The following PDE1A variants were observed in gnomAD, a reference collection of about 807,000 sequenced individuals.
The protein encoded by PDE1A is phosphodiesterase 1A, also known as dual specificity calcium/calmodulin-dependent 3',5'-cyclic nucleotide phosphodiesterase 1A.
In PDE1A, 35 loss-of-function variants were observed where a neutral mutation model predicts 61.7. That is an observed-to-expected ratio of 0.57 (90% CI 0.43 to 0.75). The LOEUF is 0.75. PDE1A is among the 30% of genes least tolerant of loss of function. The pLI is 0.00. For missense variants in PDE1A, 597 were observed against 630.6 expected (o/e 0.95, Z 0.57); for synonymous variants, 232 against 213.2 (o/e 1.09, Z -0.77).
At chr2:182,290,407 C>T (rs1469838991) in intron 1 of PDE1A, among the ~76,000 whole-genome samples, 2 of 152,100 alleles carry the variant, frequency 1.3e-5, no homozygotes, top group African/African-American at 4.8e-5. Context: ...TAATTTCTCT[C>T]AACCTTACGG....
At chr2:182,237,746 C>A (rs1469205937) in intron 3 of PDE1A, among the ~76,000 whole-genome samples, 1 of 152,124 alleles carries the variant, frequency 6.6e-6, no homozygotes, top group Non-Finnish European at 1.5e-5. Context: ...GGTAAAAGGG[C>A]CAGCCCGCCA....
At chr2:182,263,647 A>C (rs1020196384) in intron 2 of PDE1A, among the ~76,000 whole-genome samples, 1 of 152,232 alleles carries the variant, frequency 6.6e-6, no homozygotes, top group Non-Finnish European at 1.5e-5. Context: ...ATTAGGAACC[A>C]GATATCTTTG....
chr2:182,332,857 C>T (rs997369775), intron 1 of PDE1A, among the ~76,000 whole-genome samples: 3 of 151,748 alleles, frequency 2.0e-5, no homozygotes, highest in African/African-American at 4.8e-5. Context: ...CACACATAGG[C>T]TCAAAATAAA....
chr2:182,556,389 G>C, the PDE1A span, among the ~76,000 whole-genome samples: 1 of 152,208 alleles, frequency 6.6e-6, no homozygotes, highest in African/African-American at 2.4e-5. Flanking sequence ...CTTGTAAGCA[G>C]TTAAATTGGT....
At chr2:182,495,513 T>C (rs1385806500) in intron 2 of PDE1A, among the ~76,000 whole-genome samples, 1 of 152,222 alleles carries the variant, frequency 6.6e-6, no homozygotes, top group Non-Finnish European at 1.5e-5. Flanking sequence ...TATTTAGTCT[T>C]CATAGTGTTG....
chr2:182,546,962 A>G, the PDE1A span, among the ~76,000 whole-genome samples: 1 of 152,210 alleles, frequency 6.6e-6, no homozygotes, highest in Admixed American at 6.5e-5. Flanking sequence ...TTTCATCAAA[A>G]CAGTTACTTT....
At chr2:182,703,192 A>G in the PDE1A span, among the ~76,000 whole-genome samples, 13 of 152,182 alleles carry the variant, frequency 8.5e-5, no homozygotes, top group Non-Finnish European at 1.8e-4. Flanking sequence ...CCTACTTGTG[A>G]TTTGATCTTT....
intron 1 of PDE1A, among the ~76,000 whole-genome samples, chr2:182,377,050 G>A (rs1294162578): frequency 6.6e-6 from 1 of 152,156 alleles, no homozygotes; most frequent in African/African-American, 2.4e-5. Context: ...TTTGGGTGGG[G>A]ACATAGAGCC....
At chr2:182,318,374 G>C (rs1234561199) in intron 1 of PDE1A, among the ~76,000 whole-genome samples, 1 of 152,112 alleles carries the variant, frequency 6.6e-6, no homozygotes, top group Non-Finnish European at 1.5e-5. Flanking sequence ...CTCACATCAT[G>C]CTATTCCCTG....
At chr2:182,462,254 T>C (rs1210805798) in intron 2 of PDE1A, among the ~76,000 whole-genome samples, 2 of 151,894 alleles carry the variant, frequency 1.3e-5, no homozygotes, top group Non-Finnish European at 2.9e-5. Context: ...TGTATACATA[T>C]GTAACAAACC....
the PDE1A span, among the ~76,000 whole-genome samples, chr2:182,632,515 T>C: frequency 0.61 from 93,017 of 151,710 alleles, 28,752 homozygotes; most frequent in Admixed American, 0.71. Flanking sequence ...TCTCTCTCCC[T>C]TAGCAAGAAG....
rs367796148 is a variant in PDE1A, at chr2:182,218,307, A to G, written c.776+5557T>C. Among the ~76,000 whole-genome samples, 12 of 149,254 alleles carry G rather than the reference A, an allele frequency of 8.0e-5. 1 individual carries two copies. The highest frequency in any genetic ancestry group is 2.7e-4 in the African/African-American group (11 of 40,594). ...GGGGGGAGGGATAGCATTGGGAGAT[A>G]TACCTAATGCTAGATGACGAGTTAG... On this transcript the variant is annotated intron_variant, in intron 7 of 13. Transcript: ENST00000351439.
At chr2:182,626,127 T>G in the PDE1A span, among the ~76,000 whole-genome samples, 2 of 152,180 alleles carry the variant, frequency 1.3e-5, no homozygotes, top group Non-Finnish European at 2.9e-5. Flanking sequence ...AGGAAGTGAC[T>G]GAAAATGAGA....
At chr2:182,487,095 A>T (rs1423517289) in intron 2 of PDE1A, among the ~76,000 whole-genome samples, 1 of 152,176 alleles carries the variant, frequency 6.6e-6, no homozygotes, top group Non-Finnish European at 1.5e-5. Flanking sequence ...CATCTTAAAA[A>T]TTGGCAAAAG....
the PDE1A span, among the ~76,000 whole-genome samples, chr2:182,608,764 C>T: frequency 6.6e-6 from 1 of 152,246 alleles, no homozygotes; most frequent in African/African-American, 2.4e-5. Context: ...ATCAACCGCC[C>T]AAGGGCTGAG....
chr2:182,372,853 A>G (rs1684950754), intron 1 of PDE1A, among the ~76,000 whole-genome samples: 1 of 152,232 alleles, frequency 6.6e-6, no homozygotes, highest in Non-Finnish European at 1.5e-5. Context: ...GACTCATAAG[A>G]CAAAATTCCA....
chr2:182,442,601 T>C lies in PDE1A; in HGVS notation c.101+79675A>G, dbSNP rs544710353. Among the ~76,000 whole-genome samples the C allele has an allele frequency of 2.6e-5, 4 of 152,182 alleles. No homozygotes were observed. The South Asian group carries it at 8.3e-4, about 32-fold the overall frequency. On this transcript the variant is annotated intron_variant, in intron 2 of 14. Transcript: ENST00000410103. ...TTCTATTCATATAATAAACAATATTTATATGCATGTTTAATTATACATGAA... is the reference window on the plus strand; with the variant it reads ...TTCTATTCATATAATAAACAATATTCATATGCATGTTTAATTATACATGAA...
At chr2:182,260,106 T>C (rs998328799) in intron 2 of PDE1A, among the ~76,000 whole-genome samples, 4 of 152,148 alleles carry the variant, frequency 2.6e-5, no homozygotes, top group Non-Finnish European at 5.9e-5. Flanking sequence ...TAAAGGGAGA[T>C]TTTTGTTTTG....
downstream of PDE1A, chr2:182,143,055 A>C (rs1690302090): frequency 6.6e-6 from 1 of 152,232 alleles, no homozygotes; most frequent in African/African-American, 2.4e-5. Flanking sequence ...TAAAATCCAA[A>C]TGAAAATATG....
Sources: gnomAD v4.1 joint callset for allele counts (sites outside exome capture counted in the v4.1 genomes callset) on GRCh38, gnomAD v4.1.1 for gene constraint, MANE v1.5 for transcripts, NCBI Gene and HGNC (gene_info 2026-07-23, HGNC 2026-07-21) for gene names.